The following FOCAD variants were observed in gnomAD, a reference collection of about 807,000 sequenced individuals.
FOCAD encodes the protein focadhesin.
Under a neutral mutation model 225.6 loss-of-function variants are expected in FOCAD, and 198 were observed. The observed-to-expected ratio is 0.88, with a 90% CI of 0.78 to 0.99. The LOEUF is 0.99. Ranked by LOEUF, FOCAD falls within the 50% of genes least tolerant of loss-of-function variation. The probability of loss-of-function intolerance (pLI) is 0.00; values close to 1 mark genes in which losing one functional copy is unlikely to be tolerated. For synonymous variants in FOCAD, 897 were observed against 755.0 expected (o/e 1.19, Z -3.08); for missense variants, 2,713 against 2,123.6 (o/e 1.28, Z -5.46).
chr9:20,698,732 A>T (rs1044001060), intron 1 of FOCAD, among the ~76,000 whole-genome samples: 9 of 152,288 alleles, frequency 5.9e-5, no homozygotes, highest in Admixed American at 5.9e-4. Flanking sequence ...AGTGTTTTTT[A>T]TTGTAAACTT....
rs146017600 is a variant in FOCAD at position 20,844,514 on chromosome 9, C to A, written c.1921-18064C>A. Among the ~76,000 whole-genome samples the A allele has an allele frequency of 2.2e-3, 338 of 151,860 alleles. 10 individuals carry two copies. In the East Asian group the frequency reaches 0.044, roughly 20 times the overall value. On this transcript the variant is annotated intron_variant, in intron 15 of 43. Coordinates refer to ENST00000338382, the MANE Select transcript of FOCAD (RefSeq NM_001375567.1). ...TAGCTGGGACTACAGGCATGTGCCA[C>A]CACACATGGCTAATTTTTGTATTTT...
intron 11 of FOCAD, among the ~76,000 whole-genome samples, chr9:20,799,127 G>A (rs1391471966): frequency 6.6e-6 from 1 of 152,156 alleles, no homozygotes; most frequent in African/African-American, 2.4e-5. Context: ...TTAGGAGCAG[G>A]TCATTCAGTT....
At chr9:20,969,897 A>T (rs1398360738) in intron 35 of FOCAD, among the ~76,000 whole-genome samples, 7 of 151,826 alleles carry the variant, frequency 4.6e-5, no homozygotes, top group Admixed American at 4.6e-4. Context: ...TCTATGGGTA[A>T]CAAACTCCCT....
chr9:20,775,806 C>T (rs947896502), intron 8 of FOCAD, among the ~76,000 whole-genome samples: 2 of 152,084 alleles, frequency 1.3e-5, no homozygotes, highest in African/African-American at 4.8e-5. Context: ...ACTGGGACTC[C>T]TCCGACATCT....
chr9:20,853,107 A>G (rs1212966338), intron 15 of FOCAD, among the ~76,000 whole-genome samples: 1 of 151,744 alleles, frequency 6.6e-6, no homozygotes, highest in Non-Finnish European at 1.5e-5. Flanking sequence ...AAGAATGTCC[A>G]CCAAAAAATA....
At chr9:20,702,124 A>G (rs1341965769) in intron 1 of FOCAD, among the ~76,000 whole-genome samples, 1 of 151,334 alleles carries the variant, frequency 6.6e-6, no homozygotes, top group East Asian at 1.9e-4. Context: ...ATTATTAGCT[A>G]TAGGGCATTG....
At chr9:20,908,189 A>C (rs1338626977) in intron 22 of FOCAD, among the ~76,000 whole-genome samples, 1 of 152,136 alleles carries the variant, frequency 6.6e-6, no homozygotes, top group Non-Finnish European at 1.5e-5. Flanking sequence ...TAAGGATAAT[A>C]GGAGAAATCC....
intron 21 of FOCAD, among the ~76,000 whole-genome samples, chr9:20,904,344 C>A (rs1832782109): frequency 6.6e-6 from 1 of 151,910 alleles, no homozygotes; most frequent in Non-Finnish European, 1.5e-5. Context: ...TAAGTGTTTT[C>A]CATACCAGCT....
At chr9:20,865,886 T>G in intron 16 of FOCAD, 40 bp from the exon 17 acceptor site, 1 of 1,473,214 alleles carries the variant, frequency 6.8e-7, no homozygotes, top group Non-Finnish European at 9.4e-7. Flanking sequence ...AGTTTTAGCT[T>G]GGTCTTAACA....
At chr9:20,992,091 T>TA (rs1841724964) in intron 42 of FOCAD, among the ~76,000 whole-genome samples, 1 of 152,214 alleles carries the variant, frequency 6.6e-6, no homozygotes, top group Non-Finnish European at 1.5e-5. Context: ...TATGTGAAAC[T>TA]AAAATGCCTA....
chr9:20,737,723 G>A (rs186615461), intron 4 of FOCAD, among the ~76,000 whole-genome samples: 3 of 152,326 alleles, frequency 2.0e-5, no homozygotes, highest in Admixed American at 2.0e-4. Flanking sequence ...TGATGAGATT[G>A]TATATTTCAT....
intron 11 of FOCAD, among the ~76,000 whole-genome samples, chr9:20,805,395 A>G (rs1296433957): frequency 1.3e-5 from 2 of 152,200 alleles, no homozygotes; most frequent in Non-Finnish European, 2.9e-5. Context: ...TCCATTTGTT[A>G]TAGTTTAATA....
intron 2 of FOCAD, among the ~76,000 whole-genome samples, chr9:20,661,905 T>C (rs1281212794): frequency 6.6e-6 from 1 of 152,128 alleles, no homozygotes; most frequent in African/African-American, 2.4e-5. Context: ...CAAAAAATGC[T>C]GCTGTAAAAG....
intron 11 of FOCAD, among the ~76,000 whole-genome samples, chr9:20,814,730 C>T (rs1352362201): frequency 1.3e-5 from 2 of 152,074 alleles, no homozygotes; most frequent in East Asian, 3.8e-4. Context: ...CAATATCTAA[C>T]AATATTTTAA....
At chr9:20,828,953 C>G (rs975503187) in intron 15 of FOCAD, among the ~76,000 whole-genome samples, 2 of 152,130 alleles carry the variant, frequency 1.3e-5, no homozygotes, top group African/African-American at 2.4e-5. Flanking sequence ...CATGTTCCTG[C>G]AAAGGACATG....
At chr9:20,686,543 A>T (rs947782340) in intron 1 of FOCAD, among the ~76,000 whole-genome samples, 1 of 152,226 alleles carries the variant, frequency 6.6e-6, no homozygotes, top group East Asian at 1.9e-4. Flanking sequence ...ATTTGGAGGA[A>T]GTGTAAGGAA....
rs758451383 is a variant in FOCAD at position 20,933,009 on chromosome 9, A to G, written c.3318-5A>G. The stretch of plus-strand genomic sequence containing the variant: ...ATTCATTGTTTCCCCTTGATCTTTA[A>G]CCAGTGATATATCTGGCCAAGAGAT... On this transcript the variant is annotated splice_region_variant and splice_polypyrimidine_tract_variant and intron_variant, in intron 27 of 43. Coordinates refer to ENST00000338382, the MANE Select transcript of FOCAD (RefSeq NM_001375567.1). 4.4e-6 allele frequency: 7 copies of G among 1,608,720 alleles called. No individual in the cohort carries two copies. The Admixed American group carries it at 8.3e-5, about 19-fold the overall frequency.
chr9:20,986,028 G>T (rs1841119770), intron 39 of FOCAD, among the ~76,000 whole-genome samples: 1 of 151,986 alleles, frequency 6.6e-6, no homozygotes, highest in Non-Finnish European at 1.5e-5. Flanking sequence ...ATTATTGTTT[G>T]TGTATATTTA....
Position 20,929,347 on chromosome 9 carries a change from G to T in FOCAD, c.3079-11G>T. 1 of 1,609,106 alleles carries T rather than the reference G, an allele frequency of 6.2e-7. No homozygotes were observed. Among genetic ancestry groups the T allele is most frequent in the Non-Finnish European group, 8.5e-7 (1 of 1,175,940 alleles). ...AGGCTAACCCTGTTTTCTTTCTTTG[G>T]CATGTCCTAGAAGTCCTATTCTGGT... On this transcript the variant is annotated splice_polypyrimidine_tract_variant and intron_variant, in intron 26 of 43. Coordinates refer to ENST00000338382, the MANE Select transcript of FOCAD (RefSeq NM_001375567.1).
Sources: allele counts gnomAD v4.1 joint callset (sites outside exome capture counted in the v4.1 genomes callset), GRCh38; gene constraint gnomAD v4.1.1; transcripts MANE v1.5; gene names NCBI Gene and HGNC (gene_info 2026-07-23, HGNC 2026-07-21).